LYPD6: variants seen among roughly 807,000 people sequenced by gnomAD.
The protein encoded by LYPD6 is ly6/PLAUR domain-containing protein 6.
In LYPD6, 15 loss-of-function variants were observed where a neutral mutation model predicts 22.7. The ratio of observed to expected loss-of-function variants is 0.66; its 90% confidence interval spans 0.44 to 1.02. The LOEUF is 1.02. Among genes scored for constraint, LYPD6 ranks in the 50% least tolerant of loss-of-function variants. LYPD6 has a pLI of 0.00. For missense variants in LYPD6, 189 were observed against 208.4 expected, an observed-to-expected ratio of 0.91 and a Z score of 0.57; for synonymous variants, 72 against 77.5, an observed-to-expected ratio of 0.93 and a Z score of 0.37.
At chr2:149,424,382 T>G (rs1326623338) in intron 1 of LYPD6, among the ~76,000 whole-genome samples, 2 of 152,190 alleles carry the variant, frequency 1.3e-5, no homozygotes, top group African/African-American at 4.8e-5. Flanking sequence ...GTATATTAAT[T>G]CGTATCTTGT....
chr2:149,344,481 A>G (rs1681217650), intron 1 of LYPD6, among the ~76,000 whole-genome samples: 1 of 152,248 alleles, frequency 6.6e-6, no homozygotes, highest in Non-Finnish European at 1.5e-5. Flanking sequence ...AATAATTTAC[A>G]AAAGACCCAG....
intron 1 of LYPD6, among the ~76,000 whole-genome samples, chr2:149,421,550 T>A (rs905221326): frequency 6.6e-6 from 1 of 152,130 alleles, no homozygotes; most frequent in Non-Finnish European, 1.5e-5. Context: ...TTGAGCCATA[T>A]GAAGTTGCTG....
intron 1 of LYPD6, among the ~76,000 whole-genome samples, chr2:149,416,542 G>A (rs950643701): frequency 2.0e-5 from 3 of 152,168 alleles, no homozygotes; most frequent in African/African-American, 7.2e-5. Flanking sequence ...GGGTGCCCTC[G>A]TGGCAGCTAT....
chr2:149,485,849 G>A, the LYPD6 span, among the ~76,000 whole-genome samples: 1 of 152,150 alleles, frequency 6.6e-6, no homozygotes, highest in Non-Finnish European at 1.5e-5. Flanking sequence ...AGCACAATAT[G>A]GAGCCAGGTT....
intron 1 of LYPD6, among the ~76,000 whole-genome samples, chr2:149,421,414 G>A (rs910242281): frequency 6.8e-6 from 1 of 148,024 alleles, no homozygotes; most frequent in African/African-American, 2.5e-5. Flanking sequence ...AAAAAAAAGT[G>A]TGTTTTTATT....
At chr2:149,447,169 A>G (rs1050910264) in intron 2 of LYPD6, among the ~76,000 whole-genome samples, 7 of 152,230 alleles carry the variant, frequency 4.6e-5, no homozygotes, top group Non-Finnish European at 7.3e-5. Context: ...AGAGCTAAGA[A>G]GCAATTAAAT....
rs1683471998 is a variant in LYPD6 at position 149,437,914 on chromosome 2, T to TA, written c.118+89dup. 15 of 1,458,722 alleles carry TA rather than the reference T, an allele frequency of 1.0e-5. 1 individual carries two copies. Among genetic ancestry groups the TA allele is most frequent in the Non-Finnish European group, 1.4e-5 (15 of 1,048,490 alleles). The allele number at this position is 1,458,722 out of a possible 1,614,324, so 90.4% of individuals were successfully genotyped here. A position where few individuals can be genotyped will look rare whatever the true frequency, so the allele number is the denominator to read the frequency against. ...CTGGCCAGGAAAAGGCATCCTTCAG[T>TA]ATAGTGAAAACCTCCCGTGATTTAA... On this transcript the variant is annotated intron_variant, in intron 2 of 4. Coordinates refer to ENST00000334166, the MANE Select transcript of LYPD6 (RefSeq NM_194317.5).
In LYPD6 at chr2:149,385,718, G is replaced by T. The variant is rs372899577; in HGVS notation, c.-71-51920G>T. Among the ~76,000 whole-genome samples the T allele has an allele frequency of 4.1e-4, 62 of 152,304 alleles. No homozygotes were observed. The East Asian group carries it at 5.2e-3, about 13-fold the overall frequency. On this transcript the variant is annotated intron_variant, in intron 1 of 4. Coordinates refer to ENST00000334166, the MANE Select transcript of LYPD6 (RefSeq NM_194317.5). Reference sequence around the variant, plus strand: ...CTGGAACAGAACAGCTATGGCAAAGGGGGAGGGGAAAGGGGTTGACTTTTC... The same window carrying T: ...CTGGAACAGAACAGCTATGGCAAAGTGGGAGGGGAAAGGGGTTGACTTTTC...
At chr2:149,432,252 A>C (rs557032211) in intron 1 of LYPD6, among the ~76,000 whole-genome samples, 1 of 152,366 alleles carries the variant, frequency 6.6e-6, no homozygotes, top group South Asian at 2.1e-4. Context: ...TCCTGCATAT[A>C]TACCCAAGAA....
intron 1 of LYPD6, among the ~76,000 whole-genome samples, chr2:149,391,376 C>T (rs994499019): frequency 1.3e-4 from 19 of 151,916 alleles, no homozygotes; most frequent in Middle Eastern, 3.2e-3. Context: ...TTTTCCCCCC[C>T]GATAATGGAG....
intron 1 of LYPD6, among the ~76,000 whole-genome samples, chr2:149,334,147 A>T (rs1214824433): frequency 2.0e-5 from 3 of 152,220 alleles, no homozygotes; most frequent in Non-Finnish European, 2.9e-5. Context: ...ACCTGGATAC[A>T]TGTAATGAAA....
intron 3 of LYPD6, among the ~76,000 whole-genome samples, chr2:149,457,272 A>G (rs1368072511): frequency 6.6e-6 from 1 of 152,210 alleles, no homozygotes; most frequent in African/African-American, 2.4e-5. Context: ...AATGGAAGAT[A>G]TGTTATAGAC....
At chr2:149,354,846 A>G (rs1358758382) in intron 1 of LYPD6, among the ~76,000 whole-genome samples, 1 of 152,142 alleles carries the variant, frequency 6.6e-6, no homozygotes, top group African/African-American at 2.4e-5. Context: ...GGCTTACGTA[A>G]TGGTAGGGCT....
At chr2:149,424,544 G>T (rs557753264) in intron 1 of LYPD6, among the ~76,000 whole-genome samples, 23 of 152,276 alleles carry the variant, frequency 1.5e-4, no homozygotes, top group Admixed American at 1.5e-3. Flanking sequence ...ACGAAATAAG[G>T]CCTGTAGCCA....
Position 149,468,620 on chromosome 2 carries a change from TC to T in LYPD6, c.218-24del, listed in dbSNP as rs1558818812. On this transcript the variant is annotated intron_variant, in intron 3 of 4. Coordinates refer to ENST00000334166, the MANE Select transcript of LYPD6 (RefSeq NM_194317.5). ...GCAGGTTTGGTCAACATTTCCCATC[TC>T]AAATATATTTTCTCTGTTGACAGAG... is the stretch of plus-strand genomic sequence containing the variant. 7.5e-6 allele frequency: 12 copies of T among 1,606,728 alleles called. No individual in the cohort carries two copies. The South Asian group carries it at 1.3e-4, about 18-fold the overall frequency.
chr2:149,358,282 C>A (rs545783434), intron 1 of LYPD6, among the ~76,000 whole-genome samples: 2 of 152,104 alleles, frequency 1.3e-5, no homozygotes, highest in Non-Finnish European at 2.9e-5. Flanking sequence ...CAGCAAACAT[C>A]GATTACTCTA....
chr2:149,362,482 T>A (rs1368916724), intron 1 of LYPD6, among the ~76,000 whole-genome samples: 1 of 152,136 alleles, frequency 6.6e-6, no homozygotes, highest in East Asian at 1.9e-4. Flanking sequence ...GAGGAGAACT[T>A]AGAAAGGTCT....
chr2:149,416,900 T>C (rs1228903840), intron 1 of LYPD6, among the ~76,000 whole-genome samples: 3 of 152,192 alleles, frequency 2.0e-5, no homozygotes, highest in South Asian at 4.1e-4. Flanking sequence ...TGGTGCGATA[T>C]GTGATACAAC....
chr2:149,342,074 G>A (rs11888716), intron 1 of LYPD6, among the ~76,000 whole-genome samples: 98 of 151,992 alleles, frequency 6.4e-4, no homozygotes, highest in Non-Finnish European at 1.2e-3. Flanking sequence ...CTCTGCTGCT[G>A]TGTCCTTATA....
Sources: allele counts gnomAD v4.1 joint callset (sites outside exome capture counted in the v4.1 genomes callset), GRCh38; gene constraint gnomAD v4.1.1; transcripts MANE v1.5; gene names NCBI Gene and HGNC (gene_info 2026-07-23, HGNC 2026-07-21).